Variants in PACS2 observed in about 807,000 individuals in gnomAD.
PACS2 encodes PACS1-like protein.
PACS2 carries 36 observed loss-of-function variants against 113.0 expected under a neutral mutation model. The observed-to-expected ratio is 0.32, with a 90% CI of 0.24 to 0.42. The LOEUF is 0.42. Among genes scored for constraint, PACS2 ranks in the 10% least tolerant of loss-of-function variants. The pLI is 1.00. For missense variants in PACS2, 1,015 were observed against 1,239.5 expected, an observed-to-expected ratio of 0.82 and a Z score of 2.72; for synonymous variants, 589 against 536.1, an observed-to-expected ratio of 1.10 and a Z score of -1.36.
upstream of PACS2, among the ~76,000 whole-genome samples, chr14:105,310,011 C>T (rs1294297365): frequency 6.6e-6 from 1 of 151,434 alleles, no homozygotes. Flanking sequence ...GTTTTGAACT[C>T]CTGACCTGGA....
rs587692395 is a variant in PACS2 at position 105,357,184 on chromosome 14, G to A, written c.423+2007G>A. ...GTCCTTGCCCTGAATGCTGGCCTCT[G>A]CTCCCAGGCCCCTCCCTCACCTGTC... On this transcript the variant is annotated intron_variant, in intron 4 of 24. Coordinates refer to ENST00000447393, the MANE Select transcript of PACS2 (RefSeq NM_001100913.3). This position sits in a 1 kb window ranked among gnomAD's most constrained non-coding sequence, Gnocchi z 5.1. Among the ~76,000 whole-genome samples, 1 of 152,222 alleles carries A rather than the reference G, an allele frequency of 6.6e-6. No homozygotes were observed. Among genetic ancestry groups the A allele is most frequent in the East Asian group, 1.9e-4 (1 of 5,170 alleles).
intron 20 of PACS2, chr14:105,390,745 T>A (rs1482305901): frequency 1.0e-5 from 2 of 193,314 alleles, no homozygotes; most frequent in South Asian, 1.0e-4. Context: ...CCCAAAGAGC[T>A]TTCTCCGGTG....
Position 105,355,425 on chromosome 14 carries a change from T to G in PACS2, c.423+248T>G, listed in dbSNP as rs1386304785. 6.6e-6 allele frequency among the ~76,000 whole-genome samples: 1 copy of G among 152,218 alleles called. No individual in the cohort carries two copies. Among genetic ancestry groups the G allele is most frequent in the African/African-American group, 2.4e-5 (1 of 41,462 alleles). Reference sequence around the variant, plus strand: ...ATGCCTGCAGCCGCGCGCACTCCCCTCTAACGAGCCTGTCCTGCCCTTCAG... The same window carrying G: ...ATGCCTGCAGCCGCGCGCACTCCCCGCTAACGAGCCTGTCCTGCCCTTCAG... On this transcript the variant is annotated intron_variant, in intron 4 of 24. Transcript: ENST00000447393. This position sits in a 1 kb window ranked among gnomAD's most constrained non-coding sequence, Gnocchi z 4.1.
At position 105,365,903 on chromosome 14, in the gene PACS2, G is replaced by A. The variant is rs974692371; in HGVS notation, c.424-1310G>A. The stretch of plus-strand genomic sequence containing the variant: ...TGCCCCGGCGAGTTGTGGGCACGAG[G>A]GCGTCAGCAGTGGGTGCGAGTGTTG... On this transcript the variant is annotated intron_variant, in intron 4 of 24. Transcript: ENST00000447393. The surrounding 1 kb of genome is among the most constrained non-coding windows in gnomAD (Gnocchi z 5.1). Among the ~76,000 whole-genome samples, 1 of 152,258 alleles carries A rather than the reference G, an allele frequency of 6.6e-6. No individual in the cohort carries two copies. The highest frequency in any genetic ancestry group is 2.4e-5 in the African/African-American group (1 of 41,470).
At chr14:105,332,442 G>A (rs2059338973) in intron 1 of PACS2, among the ~76,000 whole-genome samples, 1 of 152,220 alleles carries the variant, frequency 6.6e-6, no homozygotes, top group African/African-American at 2.4e-5. Flanking sequence ...TTCAGGGTGT[G>A]CCTGTGTGGC....
At chr14:105,389,675 C>T (rs998547855) in intron 19 of PACS2, 19 of 497,054 alleles carry the variant, frequency 3.8e-5, no homozygotes, top group African/African-American at 3.1e-4. Context: ...GGAGCTGTGC[C>T]CTCTGGCCTG....
At chr14:105,313,461 T>C (rs897253673), upstream of PACS2, among the ~76,000 whole-genome samples, 7 of 152,090 alleles carry the variant, frequency 4.6e-5, no homozygotes, top group African/African-American at 1.7e-4. Context: ...CAGGGGCGCG[T>C]GGGAAACACA....
At chr14:105,308,164 T>C (rs114256868) in intron 1 of PACS2, among the ~76,000 whole-genome samples, 3,672 of 148,988 alleles carry the variant, frequency 0.025, 171 homozygotes, top group African/African-American at 0.085. Context: ...GCCTGGACCA[T>C]AGAGTGAGAC....
Position 105,352,335 on chromosome 14 carries a change from A to G in PACS2, c.208-43A>G, listed in dbSNP as rs782324566. On this transcript the variant is annotated intron_variant, in intron 2 of 24. Coordinates refer to ENST00000447393, the MANE Select transcript of PACS2 (RefSeq NM_001100913.3). ...GGTGTCTTTGCCTGGTTTCCTGCTG[A>G]TATGCAGTCCTTTGAGCTAGAACAG... 3.1e-6 allele frequency: 4 copies of G among 1,273,212 alleles called. No homozygotes were observed. In the Admixed American group the frequency reaches 6.7e-5, roughly 21 times the overall value. The allele number at this position is 1,273,212 out of a possible 1,614,324, so 78.9% of individuals were successfully genotyped here. A position where few individuals can be genotyped will look rare whatever the true frequency, so the allele number is the denominator to read the frequency against.
chr14:105,308,723 CG>C (rs1331256435), intron 1 of PACS2, among the ~76,000 whole-genome samples: 1 of 151,984 alleles, frequency 6.6e-6, no homozygotes, highest in African/African-American at 2.4e-5. Context: ...CTTCATGATC[CG>C]CCTGCCTCAG....
intron 4 of PACS2, among the ~76,000 whole-genome samples, chr14:105,364,416 C>T (rs1249787658): frequency 6.9e-4 from 71 of 102,230 alleles, no homozygotes; most frequent in African/African-American, 2.3e-3. Flanking sequence ...GCGCGGTGGG[C>T]GGTGTCCCGG....
In PACS2 at chr14:105,376,875, C is replaced by T. The variant is rs587756928; in HGVS notation, c.909C>T (p.Pro303=). The change falls in exon 9 of 25, where the codon CCC becomes CCT. Residue 303 remains proline, a synonymous_variant. Coordinates refer to ENST00000447393, the MANE Select transcript of PACS2 (RefSeq NM_001100913.3). This position sits in a 1 kb window ranked among gnomAD's most constrained non-coding sequence, Gnocchi z 4.7. ...LDMEHPSDSG[P]DMEDDDSVLS... is the part of the protein sequence containing the mutation. ...TGGAGCACCCCAGCGACAGCGGCCCCGACATGGAGGATGACGACAGCGTCC... is the reference window on the plus strand; with the variant it reads ...TGGAGCACCCCAGCGACAGCGGCCCTGACATGGAGGATGACGACAGCGTCC... The T allele has an allele frequency of 7.3e-5, 118 of 1,613,068 alleles. 2 individuals carry two copies. In the South Asian group the frequency reaches 1.1e-3, roughly 15 times the overall value.
chr14:105,308,396 T>A (rs1468850736), intron 1 of PACS2, among the ~76,000 whole-genome samples: 2 of 151,444 alleles, frequency 1.3e-5, no homozygotes, highest in Non-Finnish European at 2.9e-5. Flanking sequence ...GAGGGAGGAT[T>A]GCCTGAGCCC....
chr14:105,350,190 T>G (rs1362792045), intron 2 of PACS2, among the ~76,000 whole-genome samples: 1 of 152,142 alleles, frequency 6.6e-6, no homozygotes, highest in Admixed American at 6.5e-5. Flanking sequence ...GGGAGCTCTC[T>G]GTGGGCCATT....
chr14:105,304,206 T>C (rs587690816), intron 1 of PACS2, among the ~76,000 whole-genome samples: 94 of 151,802 alleles, frequency 6.2e-4, no homozygotes, highest in African/African-American at 2.2e-3. Flanking sequence ...AAGGGTGTGG[T>C]TTCAGCCAGG....
intron 1 of PACS2, among the ~76,000 whole-genome samples, chr14:105,318,902 C>T (rs1203156975): frequency 2.0e-5 from 3 of 151,864 alleles, no homozygotes; most frequent in Non-Finnish European, 2.9e-5. Context: ...CCTCGTGATC[C>T]GCCCGCCTCA....
chr14:105,322,437 T>C (rs2058932247), intron 1 of PACS2, among the ~76,000 whole-genome samples: 1 of 151,868 alleles, frequency 6.6e-6, no homozygotes, highest in South Asian at 2.1e-4. Flanking sequence ...CTCATTTTTT[T>C]GTATTTTTAG....
chr14:105,383,212 G>A, intron 15 of PACS2, 147 bp from the exon 16 acceptor site: 1 of 902,936 alleles, frequency 1.1e-6, no homozygotes, highest in African/African-American at 1.6e-5. Flanking sequence ...GCATGTGGGG[G>A]TCCTGGGCTT....
At position 105,366,472 on chromosome 14, in the gene PACS2, G is replaced by T. The variant is rs1287862005; in HGVS notation, c.424-741G>T. On this transcript the variant is annotated intron_variant, in intron 4 of 24. Transcript: ENST00000447393. This position sits in a 1 kb window ranked among gnomAD's most constrained non-coding sequence, Gnocchi z 4.3. Reference sequence around the variant, plus strand: ...AGGCTGTGAGTGTCTGAGAGTTGTCGTCATGGCGTGTGGTTCTGAGGCTGG... The same window carrying T: ...AGGCTGTGAGTGTCTGAGAGTTGTCTTCATGGCGTGTGGTTCTGAGGCTGG... Among the ~76,000 whole-genome samples, 1 of 152,216 alleles carries T rather than the reference G, an allele frequency of 6.6e-6. No individual in the cohort carries two copies. The highest frequency in any genetic ancestry group is 1.5e-5 in the Non-Finnish European group (1 of 68,032).
Sources: gnomAD v4.1 joint callset for allele counts (sites outside exome capture counted in the v4.1 genomes callset) on GRCh38, gnomAD v4.1.1 for gene constraint, Gnocchi (gnomAD v3.1) non-coding constraint, MANE v1.5 for transcripts, NCBI Gene and HGNC (gene_info 2026-07-23, HGNC 2026-07-21) for gene names.